The following POF1B variants were observed in gnomAD, a reference collection of about 807,000 sequenced individuals.
POF1B encodes the protein protein POF1B.
A neutral mutation model predicts 55.3 loss-of-function variants in POF1B; 53 were observed. The observed-to-expected ratio is 0.96, with a 90% CI of 0.77 to 1.20. The LOEUF (loss-of-function observed/expected upper bound fraction) is 1.20, where lower values mean the gene tolerates loss of function less well. Among genes scored for constraint, POF1B ranks in the 50% most tolerant of loss-of-function variants. POF1B has a pLI of 0.00. For missense variants in POF1B, 478 were observed against 420.5 expected, an observed-to-expected ratio of 1.14 and a Z score of -1.20; for synonymous variants, 188 against 148.3, an observed-to-expected ratio of 1.27 and a Z score of -1.95.
chrX:85,343,142 A>G (rs1411413022), intron 6 of POF1B, among the ~76,000 whole-genome samples: 1 of 110,261 alleles, frequency 9.1e-6, no homozygotes, highest in East Asian at 2.9e-4. Context: ...TACCTATATA[A>G]GCAAACCTGC....
intron 4 of POF1B, among the ~76,000 whole-genome samples, chrX:85,355,006 C>T (rs1271578604): frequency 3.6e-5 from 4 of 111,520 alleles, no homozygotes; most frequent in Non-Finnish European, 7.5e-5. Flanking sequence ...CCAAGAGAAT[C>T]CTAAGCCAAA....
Position 85,330,997 on chromosome X carries a change from G to A in POF1B, c.806C>T (p.Thr269Met), listed in dbSNP as rs148186919. The change falls in exon 7 of 17, where the codon ACG becomes ATG. Residue 269 changes from threonine to methionine, a missense_variant. Transcript: ENST00000262753. Reference protein sequence around the residue: ...ELLADLSRKNTDLYHCLLEHL... With the variant: ...ELLADLSRKNMDLYHCLLEHL... ...TTCTAATAAGCAGTGATATAGATCCGTATTCTTACGGCTCAGATCAGCAAG... is the reference window on the plus strand; with the variant it reads ...TTCTAATAAGCAGTGATATAGATCCATATTCTTACGGCTCAGATCAGCAAG... 70 of 1,201,265 alleles carry A rather than the reference G, an allele frequency of 5.8e-5. No homozygotes were observed. The East Asian group carries it at 6.6e-4, about 11-fold the overall frequency.
rs892426936 is a variant in POF1B, at chrX:85,359,479, A to G, written c.438+71T>C. On this transcript the variant is annotated intron_variant, in intron 4 of 16. Transcript: ENST00000262753. ...ACAATCTGATCTTAAGGATCTGGTAACTGATTAAGCCTTTTTGTTTAAGCA... is the reference window on the plus strand; with the variant it reads ...ACAATCTGATCTTAAGGATCTGGTAGCTGATTAAGCCTTTTTGTTTAAGCA... The G allele has an allele frequency of 1.9e-5, 14 of 754,630 alleles. No homozygotes were observed. The African/African-American group carries it at 2.7e-4, about 15-fold the overall frequency. The allele number at this position is 754,630 out of a possible 1,213,427, so 62.2% of individuals were successfully genotyped here.
chrX:85,325,862 TC>T (rs970653907), intron 7 of POF1B, among the ~76,000 whole-genome samples: 4 of 111,594 alleles, frequency 3.6e-5, no homozygotes, highest in Non-Finnish European at 7.5e-5. Flanking sequence ...TTTTCTTTTA[TC>T]CTGTTTGGTG....
At chrX:85,355,949 C>T (rs1169502425) in intron 4 of POF1B, among the ~76,000 whole-genome samples, 2 of 111,288 alleles carry the variant, frequency 1.8e-5, no homozygotes, top group Admixed American at 1.9e-4. Context: ...CCCAGCCATC[C>T]CATTACTGGG....
At chrX:85,292,458 C>T (rs2147894957) in intron 15 of POF1B, among the ~76,000 whole-genome samples, 1 of 111,542 alleles carries the variant, frequency 9.0e-6, no homozygotes, top group South Asian at 3.8e-4. Context: ...ATAGAACGAG[C>T]TAGGGAGGAG....
intron 12 of POF1B, 113 bp downstream of exon 12, chrX:85,306,068 G>A: frequency 1.1e-6 from 1 of 944,876 alleles, no homozygotes; most frequent in South Asian, 2.4e-5. Flanking sequence ...TCAAATGTCA[G>A]TGATTAAGAT....
chrX:85,356,900 G>T (rs1367835004), intron 4 of POF1B, among the ~76,000 whole-genome samples: 1 of 110,936 alleles, frequency 9.0e-6, no homozygotes, highest in Non-Finnish European at 1.9e-5. Context: ...CGGTTCCCAG[G>T]CCCCAAAATC....
At chrX:85,358,114 T>A (rs1933537420) in intron 4 of POF1B, among the ~76,000 whole-genome samples, 1 of 111,384 alleles carries the variant, frequency 9.0e-6, no homozygotes, top group Non-Finnish European at 1.9e-5. Context: ...TGAATTAGCA[T>A]CAGAAGACCT....
At chrX:85,379,580 G>A (rs1253378156) in intron 1 of POF1B, 59 bp downstream of exon 1, 11 of 717,763 alleles carry the variant, frequency 1.5e-5, no homozygotes, top group Non-Finnish European at 2.0e-5. Flanking sequence ...CGACACACGT[G>A]TGGAAACCGC....
chrX:85,335,817 A>G (rs1933061877), intron 6 of POF1B, among the ~76,000 whole-genome samples: 1 of 110,804 alleles, frequency 9.0e-6, no homozygotes. Flanking sequence ...TGGGGTATCA[A>G]TCACCTTAAG....
intron 9 of POF1B, among the ~76,000 whole-genome samples, chrX:85,310,685 T>A (rs1304246359): frequency 9.0e-6 from 1 of 111,314 alleles, no homozygotes; most frequent in Non-Finnish European, 1.9e-5. Flanking sequence ...TTCAAAAAAA[T>A]TATGGCTGAG....
intron 3 of POF1B, among the ~76,000 whole-genome samples, chrX:85,360,529 A>ATG (rs1316067785): frequency 0.018 from 371 of 20,677 alleles, 7 homozygotes; most frequent in African/African-American, 0.051. Context: ...CATGGTATGT[A>ATG]TATATATATA....
Position 85,315,734 on chromosome X carries a change from G to T in POF1B, c.855C>A (p.Ser285Arg). ...CATCTGTAGACTCAAAGTCCTGTTT[G>T]CTGCAAGAACAAAAAAAAAGATACA... ...LLEHLQRIGG[S>R]KQDFESTDES... The change falls in exon 8 of 17, where the codon AGC (serine) becomes AGA (arginine). Residue 285 changes from serine to arginine, a missense_variant and splice_region_variant. Coordinates refer to ENST00000262753, the MANE Select transcript of POF1B (RefSeq NM_024921.4). 1.7e-6 allele frequency: 2 copies of T among 1,174,815 alleles called. No individual in the cohort carries two copies. The highest frequency in any genetic ancestry group is 1.1e-6 in the Non-Finnish European group (1 of 878,728).
At chrX:85,285,596 A>T (rs893551277) in intron 15 of POF1B, among the ~76,000 whole-genome samples, 2 of 99,148 alleles carry the variant, frequency 2.0e-5, no homozygotes, top group Non-Finnish European at 4.0e-5. Flanking sequence ...GTGGGAATTG[A>T]ACAATGAGAA....
rs147563033 is a variant in POF1B, at chrX:85,345,867, C to G, written c.716G>C (p.Cys239Ser). Residue 239 changes from cysteine (C) to serine (S), a missense_variant, in exon 6 of 17, where the codon TGT (cysteine) becomes TCT (serine). Cys to Ser is a moderately radical substitution (Grantham distance 112). Coordinates refer to ENST00000262753, the MANE Select transcript of POF1B (RefSeq NM_024921.4). ...TCAGCTGATTGATCTTACCTGCTCA[C>G]AAATCTGGCTTGATCCACTATGGCA... The part of the protein sequence containing the change: ...ELCHSGSSQI[C>S]EQVIIQDDGP... 10,750 of 1,194,285 alleles carry G rather than the reference C, an allele frequency of 9.0e-3. 45 individuals are homozygous for G. The highest frequency in any genetic ancestry group is 0.01 in the Non-Finnish European group (9,278 of 886,830).
Position 85,331,085 on chromosome X carries a change from G to A in POF1B, c.724-6C>T. 2 of 1,195,105 alleles carry A rather than the reference G, an allele frequency of 1.7e-6. No individual in the cohort carries two copies. The highest frequency in any genetic ancestry group is 1.1e-6 in the Non-Finnish European group (1 of 887,870). ...CCATCATCCTGAATTATCACCTGAA[G>A]CAAACATCAATCACAATTGTAAGCA... On this transcript the variant is annotated splice_polypyrimidine_tract_variant and splice_region_variant and intron_variant, in intron 6 of 16. Transcript: ENST00000262753.
intron 4 of POF1B, among the ~76,000 whole-genome samples, chrX:85,357,205 A>G (rs1233391261): frequency 9.0e-6 from 1 of 111,217 alleles, no homozygotes; most frequent in Non-Finnish European, 1.9e-5. Flanking sequence ...GGAAAAAGAT[A>G]CATTCTCTCT....
intron 7 of POF1B, among the ~76,000 whole-genome samples, chrX:85,319,530 G>T (rs1400005693): frequency 9.0e-6 from 1 of 111,304 alleles, no homozygotes; most frequent in African/African-American, 3.3e-5. Context: ...TTATTATTCT[G>T]AAGTATGTTT....
Sources: gnomAD v4.1 joint callset for allele counts (sites outside exome capture counted in the v4.1 genomes callset) on GRCh38, gnomAD v4.1.1 for gene constraint, MANE v1.5 for transcripts, NCBI Gene and HGNC (gene_info 2026-07-23, HGNC 2026-07-21) for gene names.